SMAD3: variants seen among roughly 807,000 people sequenced by gnomAD.
The protein encoded by SMAD3 is SMAD family member 3, also known as MAD homolog 3.
Under a neutral mutation model 51.8 loss-of-function variants are expected in SMAD3, and 12 were observed. The observed-to-expected ratio is 0.23, with a 90% CI of 0.15 to 0.38. The LOEUF is 0.38. SMAD3 is among the 10% of genes least tolerant of loss of function. The pLI is 1.00. For missense variants in SMAD3, 294 were observed against 565.6 expected (o/e 0.52, Z 4.87); for synonymous variants, 238 against 227.7 (o/e 1.05, Z -0.41).
intron 1 of SMAD3, among the ~76,000 whole-genome samples, chr15:67,086,582 G>A (rs950306450): frequency 6.6e-6 from 1 of 152,104 alleles, no homozygotes; most frequent in African/African-American, 2.4e-5. Flanking sequence ...AGATGAAGGG[G>A]GATGGTATGA....
intron 1 of SMAD3, among the ~76,000 whole-genome samples, chr15:67,142,042 G>C (rs1961839217): frequency 1.3e-5 from 2 of 152,174 alleles, no homozygotes; most frequent in Admixed American, 1.3e-4. Flanking sequence ...GGCACAGAGA[G>C]CTTAAGTCAC....
intron 1 of SMAD3, among the ~76,000 whole-genome samples, chr15:67,074,256 A>G (rs925771715): frequency 6.6e-6 from 1 of 152,254 alleles, no homozygotes; most frequent in Non-Finnish European, 1.5e-5. Flanking sequence ...CTTGAGATGC[A>G]GTGAACAGTT....
intron 1 of SMAD3, among the ~76,000 whole-genome samples, chr15:67,155,741 C>G (rs1962265413): frequency 6.6e-6 from 1 of 152,148 alleles, no homozygotes; most frequent in Non-Finnish European, 1.5e-5. Flanking sequence ...GTAATCCCAG[C>G]ACTTTGGGAG....
At chr15:67,142,715 C>T in intron 1 of SMAD3, 1 of 327,970 alleles carries the variant, frequency 3.0e-6, no homozygotes, top group South Asian at 2.2e-5. Flanking sequence ...CATCTTAAGA[C>T]ATTCAAAAAC....
chr15:67,102,760 A>G (rs956431469), intron 1 of SMAD3, among the ~76,000 whole-genome samples: 1 of 152,134 alleles, frequency 6.6e-6, no homozygotes, highest in Non-Finnish European at 1.5e-5. Flanking sequence ...TAGGCATGAT[A>G]CGTGGTCCCT....
intron 1 of SMAD3, among the ~76,000 whole-genome samples, chr15:67,133,563 C>A (rs1961581958): frequency 6.6e-6 from 1 of 152,030 alleles, no homozygotes; most frequent in Admixed American, 6.5e-5. Flanking sequence ...CCATTTGTGA[C>A]CCCCAAAATG....
chr15:67,187,580 C>T lies in SMAD3; in HGVS notation c.1154+71C>T, dbSNP rs919943871. On this transcript the variant is annotated intron_variant, in intron 8 of 8. Transcript: ENST00000327367. ...ACTCTGGACAGCAGAGCAGGCAGGG[C>T]TCCTCAGAGATGAGCTAGGCCAGCC... The T allele has an allele frequency of 1.1e-5, 18 of 1,580,612 alleles. No homozygotes were observed. In the African/African-American group the frequency reaches 1.6e-4, roughly 14 times the overall value.
chr15:67,072,550 G>A (rs1192318434), intron 1 of SMAD3, among the ~76,000 whole-genome samples: 1 of 152,204 alleles, frequency 6.6e-6, no homozygotes, highest in Non-Finnish European at 1.5e-5. Flanking sequence ...AAAACTTAAA[G>A]ACTCCATTCC....
At chr15:67,137,951 C>A in intron 1 of SMAD3, 3 of 1,092,170 alleles carry the variant, frequency 2.7e-6, no homozygotes, top group Non-Finnish European at 4.1e-6. Context: ...AGAATTCGGA[C>A]TTCTAGGAAG....
intron 1 of SMAD3, among the ~76,000 whole-genome samples, chr15:67,135,884 A>G (rs750051733): frequency 1.8e-4 from 27 of 152,220 alleles, no homozygotes; most frequent in Admixed American, 1.5e-3. Context: ...AGGTATTTGT[A>G]ACATCTCTTT....
chr15:67,091,475 G>T (rs1960507683), intron 1 of SMAD3, among the ~76,000 whole-genome samples: 1 of 152,214 alleles, frequency 6.6e-6, no homozygotes, highest in Non-Finnish European at 1.5e-5. Context: ...GGTACTTTCA[G>T]GGGAAACCGT....
In SMAD3 at chr15:67,148,483, C is replaced by G. The variant is rs112997022; in HGVS notation, c.207-16412C>G. On this transcript the variant is annotated intron_variant, in intron 1 of 8. Transcript: ENST00000327367. ...ATTTAATGTCTGCCTACAACCTTAG[C>G]CACAGATGACTCTCTCTCCCTGGTA... Among the ~76,000 whole-genome samples the G allele has an allele frequency of 8.5e-5, 13 of 152,348 alleles. 1 individual carries two copies. Among genetic ancestry groups the G allele is most frequent in the African/African-American group, 3.1e-4 (13 of 41,576 alleles).
intron 1 of SMAD3, among the ~76,000 whole-genome samples, chr15:67,071,829 A>G (rs1334510819): frequency 6.6e-6 from 1 of 152,052 alleles, no homozygotes; most frequent in Non-Finnish European, 1.5e-5. Context: ...ATAAATAAAT[A>G]AATGAAAAGT....
At chr15:67,184,966 T>C (rs936443925) in intron 7 of SMAD3, 102 bp downstream of exon 7, 212 of 1,434,906 alleles carry the variant, frequency 1.5e-4, no homozygotes, top group Middle Eastern at 4.9e-4. Flanking sequence ...TGCTCACTCA[T>C]GATTGCGTTG....
At chr15:67,079,411 G>C (rs781219126) in intron 1 of SMAD3, among the ~76,000 whole-genome samples, 1 of 152,118 alleles carries the variant, frequency 6.6e-6, no homozygotes, top group Non-Finnish European at 1.5e-5. Context: ...CATAAATATT[G>C]CACAAAATTA....
chr15:67,168,864 T>C (rs886998532), intron 4 of SMAD3, among the ~76,000 whole-genome samples: 3 of 152,138 alleles, frequency 2.0e-5, no homozygotes, highest in Admixed American at 2.0e-4. Flanking sequence ...ATAGTCCAGT[T>C]GCTCACGGGC....
chr15:67,166,289 C>A, intron 3 of SMAD3: 1 of 497,260 alleles, frequency 2.0e-6, no homozygotes, highest in Non-Finnish European at 2.7e-6. Flanking sequence ...CTGTCTTTGC[C>A]GTCATTGAAC....
chr15:67,152,382 G>A (rs1372612735), intron 1 of SMAD3, among the ~76,000 whole-genome samples: 1 of 152,152 alleles, frequency 6.6e-6, no homozygotes, highest in African/African-American at 2.4e-5. Context: ...TCTAAGTGTT[G>A]GCTACATGAA....
intron 5 of SMAD3, among the ~76,000 whole-genome samples, chr15:67,177,953 G>A (rs955348913): frequency 3.3e-5 from 5 of 152,166 alleles, no homozygotes; most frequent in Admixed American, 6.5e-5. Flanking sequence ...GCTCAGTCCC[G>A]CTTCTGAACA....
Sources: gnomAD v4.1 joint callset for allele counts (sites outside exome capture counted in the v4.1 genomes callset) on GRCh38, gnomAD v4.1.1 for gene constraint, MANE v1.5 for transcripts, NCBI Gene and HGNC (gene_info 2026-07-23, HGNC 2026-07-21) for gene names.